The following SORCS2 variants were observed in gnomAD, a reference collection of about 807,000 sequenced individuals.
SORCS2 encodes VPS10 domain-containing receptor SorCS2.
In SORCS2, 100 loss-of-function variants were observed where a neutral mutation model predicts 141.6. The ratio of observed to expected loss-of-function variants is 0.71; its 90% CI spans 0.60 to 0.83. SORCS2 has a LOEUF of 0.83. SORCS2 is among the 40% of genes least tolerant of loss of function. The pLI is 0.00. For missense variants in SORCS2, 1,646 were observed against 1,560.2 expected, an observed-to-expected ratio of 1.05 and a Z score of -0.93; for synonymous variants, 789 against 676.9, an observed-to-expected ratio of 1.17 and a Z score of -2.57.
chr4:7,658,849 G>C (rs1721966384), intron 5 of SORCS2, among the ~76,000 whole-genome samples: 1 of 152,212 alleles, frequency 6.6e-6, no homozygotes, highest in African/African-American at 2.4e-5. Flanking sequence ...CAGTGGTGGG[G>C]AGAGGCCATG....
intron 1 of SORCS2, among the ~76,000 whole-genome samples, chr4:7,285,156 C>T (rs1237907497): frequency 6.6e-6 from 1 of 152,030 alleles, no homozygotes; most frequent in East Asian, 1.9e-4. Context: ...CCTCAGCCTC[C>T]CGAGGAGCTG....
intron 11 of SORCS2, among the ~76,000 whole-genome samples, chr4:7,691,594 A>G (rs1334521792): frequency 1.3e-5 from 2 of 152,018 alleles, no homozygotes; most frequent in Non-Finnish European, 2.9e-5. Flanking sequence ...GCCCATCTGG[A>G]CAGCCTCTGT....
At chr4:7,573,708 G>A (rs1715545217) in intron 3 of SORCS2, among the ~76,000 whole-genome samples, 1 of 152,186 alleles carries the variant, frequency 6.6e-6, no homozygotes, top group Admixed American at 6.5e-5. Context: ...AAAAGGAGGG[G>A]TGAAGGGGAA....
intron 2 of SORCS2, among the ~76,000 whole-genome samples, chr4:7,488,754 G>A (rs765602977): frequency 1.2e-4 from 18 of 152,188 alleles, no homozygotes; most frequent in Non-Finnish European, 1.8e-4. Context: ...CCTATTGTCC[G>A]CAGTCAAATA....
chr4:7,272,941 G>A (rs925314733), intron 1 of SORCS2, among the ~76,000 whole-genome samples: 9 of 152,240 alleles, frequency 5.9e-5, no homozygotes, highest in African/African-American at 1.9e-4. Context: ...GGGCTGGTGT[G>A]TCCCACACAG....
rs542647030 is a variant in SORCS2 at position 7,487,514 on chromosome 4, T to C, written c.549-44016T>C. Among the ~76,000 whole-genome samples, 13 of 152,216 alleles carry C rather than the reference T, an allele frequency of 8.5e-5. No individual in the cohort carries two copies. The East Asian group carries it at 2.5e-3, about 30-fold the overall frequency. On this transcript the variant is annotated intron_variant, in intron 2 of 26. Coordinates refer to ENST00000507866, the MANE Select transcript of SORCS2 (RefSeq NM_020777.3). Reference sequence around the variant, plus strand: ...ATGCAATGTAAATTGTAAGGAAAAATATGACATGGAGCTCTTTAAATTCTC... The same window carrying C: ...ATGCAATGTAAATTGTAAGGAAAAACATGACATGGAGCTCTTTAAATTCTC...
intron 25 of SORCS2, among the ~76,000 whole-genome samples, chr4:7,734,816 C>G (rs1317212600): frequency 6.6e-6 from 1 of 152,228 alleles, no homozygotes; most frequent in South Asian, 2.1e-4. Context: ...CCCGCCCATC[C>G]CTTCCCTCCC....
chr4:7,218,206 T>G (rs4234798), intron 1 of SORCS2, among the ~76,000 whole-genome samples: 98,521 of 152,044 alleles, frequency 0.65, 32,076 homozygotes, highest in East Asian at 0.73. Context: ...CCCCAACGAG[T>G]AGATCCTGCA....
intron 3 of SORCS2, among the ~76,000 whole-genome samples, chr4:7,540,572 T>C (rs1040423019): frequency 6.6e-6 from 1 of 152,210 alleles, no homozygotes; most frequent in African/African-American, 2.4e-5. Context: ...CCAGGCTGCA[T>C]GGTCCCATGG....
intron 3 of SORCS2, among the ~76,000 whole-genome samples, chr4:7,626,523 A>G (rs1326291380): frequency 6.6e-6 from 1 of 152,236 alleles, no homozygotes; most frequent in Non-Finnish European, 1.5e-5. Context: ...GGGCTGCTTC[A>G]TGCCTCTGTC....
chr4:7,434,294 C>T (rs764352579), intron 2 of SORCS2: 4 of 1,612,558 alleles, frequency 2.5e-6, no homozygotes, highest in South Asian at 1.1e-5. Flanking sequence ...CGGACAGCCT[C>T]CTGGAGTCGG....
chr4:7,728,080 C>T (rs1197509283), intron 21 of SORCS2, among the ~76,000 whole-genome samples: 3 of 152,222 alleles, frequency 2.0e-5, no homozygotes, highest in Non-Finnish European at 4.4e-5. Context: ...ATCTTTGTCA[C>T]TGCTGTTATG....
intron 3 of SORCS2, among the ~76,000 whole-genome samples, chr4:7,556,963 T>G (rs1039933828): frequency 7.4e-6 from 1 of 135,206 alleles, no homozygotes; most frequent in Non-Finnish European, 1.6e-5. Context: ...ACATATCCAT[T>G]CATCCAACCA....
chr4:7,513,338 C>T (rs1255667078), intron 2 of SORCS2, among the ~76,000 whole-genome samples: 3 of 152,226 alleles, frequency 2.0e-5, no homozygotes, highest in East Asian at 1.9e-4. Flanking sequence ...GCACCTGCCC[C>T]CCAACCCTGC....
At chr4:7,470,620 G>A (rs1345885361) in intron 2 of SORCS2, among the ~76,000 whole-genome samples, 1 of 149,598 alleles carries the variant, frequency 6.7e-6, no homozygotes, top group African/African-American at 2.6e-5. Context: ...CACAGGTGAT[G>A]GTCTGGGCGA....
intron 3 of SORCS2, among the ~76,000 whole-genome samples, chr4:7,536,123 G>A (rs1193883842): frequency 3.3e-5 from 5 of 152,228 alleles, no homozygotes; most frequent in East Asian, 1.9e-4. Flanking sequence ...CAGAGAGCAC[G>A]TGGACTCAGA....
chr4:7,444,540 G>A (rs1266301983), intron 2 of SORCS2, among the ~76,000 whole-genome samples: 1 of 152,230 alleles, frequency 6.6e-6, no homozygotes, highest in Non-Finnish European at 1.5e-5. Context: ...CAGGGGCCAG[G>A]AGACTTGAGC....
At chr4:7,636,972 C>T (rs1030204341) in intron 3 of SORCS2, among the ~76,000 whole-genome samples, 4 of 152,052 alleles carry the variant, frequency 2.6e-5, no homozygotes, top group Non-Finnish European at 1.5e-5. Flanking sequence ...AATTCATGGC[C>T]GTGGTGATGT....
intron 2 of SORCS2, chr4:7,432,290 G>A (rs10033032): frequency 0.15 from 22,950 of 152,034 alleles, 1,795 homozygotes; most frequent in Non-Finnish European, 0.18. Flanking sequence ...TACAGCGCTT[G>A]CACCGCCAGA....
Sources: gnomAD v4.1 joint callset for allele counts (sites outside exome capture counted in the v4.1 genomes callset) on GRCh38, gnomAD v4.1.1 for gene constraint, MANE v1.5 for transcripts, NCBI Gene and HGNC (gene_info 2026-07-23, HGNC 2026-07-21) for gene names.